Variants in SEC31A observed in about 807,000 individuals in gnomAD.
SEC31A encodes the protein SEC31 homolog A, COPII component, also known as protein transport protein Sec31A.
Under a neutral mutation model 151.0 loss-of-function variants are expected in SEC31A, and 70 were observed. The observed-to-expected ratio is 0.46, with a 90% CI of 0.38 to 0.57. The LOEUF (loss-of-function observed/expected upper bound fraction) is 0.57, where lower values mean the gene tolerates loss of function less well. SEC31A is among the 20% of genes least tolerant of loss of function. The pLI is 0.00. For synonymous variants in SEC31A, 475 were observed against 505.9 expected, an observed-to-expected ratio of 0.94 and a Z score of 0.82; for missense variants, 1,330 against 1,471.2, an observed-to-expected ratio of 0.90 and a Z score of 1.57.
intron 17 of SEC31A, 93 bp downstream of exon 17, chr4:82,854,810 A>C (rs1578242881): frequency 7.8e-7 from 1 of 1,285,020 alleles, no homozygotes; most frequent in East Asian, 2.8e-5. Flanking sequence ...TGTAGATTTT[A>C]AAAAGTTTCT....
chr4:82,832,954 G>A (rs916221158), intron 22 of SEC31A, among the ~76,000 whole-genome samples: 1 of 152,218 alleles, frequency 6.6e-6, no homozygotes, highest in African/African-American at 2.4e-5. Flanking sequence ...TACACTGTTG[G>A]TGGGAGTGTA....
chr4:82,857,930 T>C (rs1437936137), intron 14 of SEC31A, 166 bp from the exon 15 acceptor site: 1 of 501,076 alleles, frequency 2.0e-6, no homozygotes, highest in African/African-American at 2.0e-5. Context: ...ATGCCTTCCC[T>C]AAATATTACC....
chr4:82,875,688 C>G, intron 5 of SEC31A, 39 bp downstream of exon 5: 1 of 1,288,568 alleles, frequency 7.8e-7, no homozygotes, highest in Non-Finnish European at 1.1e-6. Flanking sequence ...CTACTTTTGG[C>G]TTTTTTGATT....
At chr4:82,870,471 C>T (rs758311371) in intron 7 of SEC31A, 47 bp from the exon 8 acceptor site, 3 of 1,423,918 alleles carry the variant, frequency 2.1e-6, no homozygotes, top group South Asian at 1.2e-5. Flanking sequence ...CTTGAGAAAA[C>T]CAAATCTCAA....
chr4:82,871,264 A>G, intron 7 of SEC31A: 2 of 1,358,866 alleles, frequency 1.5e-6, no homozygotes. Context: ...AACTATATGC[A>G]CAAATTATCC....
At position 82,877,378 on chromosome 4, in the gene SEC31A, A is replaced by C. The variant is rs1203129562; in HGVS notation, c.402+1352T>G. ...TTATAATCTAGTATCCTATTAACTCAAGGTCTTTTTTTTTTTTCCAGACAG... is the reference window on the plus strand; with the variant it reads ...TTATAATCTAGTATCCTATTAACTCCAGGTCTTTTTTTTTTTTCCAGACAG... On this transcript the variant is annotated intron_variant, in intron 4 of 26. Coordinates refer to ENST00000395310, the MANE Select transcript of SEC31A (RefSeq NM_001077207.4). 3.5e-5 allele frequency: 3 copies of C among 86,190 alleles called. No individual in the cohort carries two copies. In the East Asian group the frequency reaches 1.0e-3, roughly 30 times the overall value. 5.3% of individuals were successfully genotyped at this position (86,190 alleles called of 1,614,324 possible). A position where few individuals can be genotyped will look rare whatever the true frequency, so the allele number is the denominator to read the frequency against.
At chr4:82,821,548 C>CAAG (rs778336977) in intron 25 of SEC31A, 1 of 66,286 alleles carries the variant, frequency 1.5e-5, no homozygotes, top group South Asian at 9.3e-4. Context: ...GACTCCGTCT[C>CAAG]AAAAAAAAAA....
chr4:82,863,977 C>T (rs1236934153), intron 11 of SEC31A, among the ~76,000 whole-genome samples: 8 of 152,076 alleles, frequency 5.3e-5, no homozygotes, highest in Non-Finnish European at 1.2e-4. Context: ...TCCAACCTCT[C>T]TCCTCTATTC....
At chr4:82,828,072 G>A (rs1368860652) in intron 23 of SEC31A, among the ~76,000 whole-genome samples, 1 of 152,090 alleles carries the variant, frequency 6.6e-6, no homozygotes, top group African/African-American at 2.4e-5. Flanking sequence ...GTGCCACCAC[G>A]CCCAGCTAAT....
upstream of SEC31A, chr4:82,893,071 T>C (rs543215780): frequency 6.6e-6 from 1 of 152,290 alleles, no homozygotes; most frequent in South Asian, 2.1e-4. Context: ...CACAAAGATA[T>C]TCTAGGTTTT....
intron 22 of SEC31A, among the ~76,000 whole-genome samples, chr4:82,840,514 A>ATG (rs1428854700): frequency 2.6e-5 from 4 of 152,240 alleles, no homozygotes; most frequent in Non-Finnish European, 5.9e-5. Flanking sequence ...TACAGTGTGT[A>ATG]TGTGTGTAAG....
At chr4:82,853,506 TTGA>T in intron 18 of SEC31A, 61 bp downstream of exon 18, 2 of 1,339,208 alleles carry the variant, frequency 1.5e-6, no homozygotes, top group Non-Finnish European at 2.0e-6. Context: ...AGATTATAAC[TTGA>T]TGATAAGTAG....
chr4:82,862,511 G>C (rs1156624752), intron 13 of SEC31A, 23 bp downstream of exon 13: 2 of 1,600,226 alleles, frequency 1.2e-6, no homozygotes, highest in Non-Finnish European at 1.7e-6. Context: ...TTAGAAGGTA[G>C]CTATTTTTAA....
rs147804203 is a variant in SEC31A, at chr4:82,848,878, G to A, written c.2428C>T (p.Pro810Ser). Reference protein sequence around the residue: ...PKIPYEKQQLPKGRPGPVAGH... With the variant: ...PKIPYEKQQLSKGRPGPVAGH... ...GCAACTGGTCCAGGCCTGCCCTTGGGGAGCTGCTGTTTCTCGTACGGAATT... is the reference window on the plus strand; with the variant it reads ...GCAACTGGTCCAGGCCTGCCCTTGGAGAGCTGCTGTTTCTCGTACGGAATT... The change falls in exon 20 of 27, where the codon CCC becomes TCC. Residue 810 changes from proline to serine, a missense_variant. Coordinates refer to ENST00000395310, the MANE Select transcript of SEC31A (RefSeq NM_001077207.4). 9.3e-6 allele frequency: 15 copies of A among 1,613,942 alleles called. No homozygotes were observed. In the African/African-American group the frequency reaches 1.7e-4, roughly 19 times the overall value.
intron 22 of SEC31A, among the ~76,000 whole-genome samples, chr4:82,830,373 T>C (rs1465431868): frequency 3.9e-5 from 6 of 152,260 alleles, no homozygotes; most frequent in South Asian, 2.1e-4. Context: ...GGCAGGAGAA[T>C]TGCTTGAACC....
upstream of SEC31A, chr4:82,891,193 T>C (rs1041526433): frequency 4.6e-6 from 7 of 1,533,460 alleles, no homozygotes; most frequent in Admixed American, 2.0e-5. Flanking sequence ...ACCTCCACGT[T>C]CCGTTCCAAC....
chr4:82,875,681 C>G (rs774628860), intron 5 of SEC31A, 46 bp downstream of exon 5: 17 of 1,134,452 alleles, frequency 1.5e-5, no homozygotes, highest in Non-Finnish European at 2.0e-5. Flanking sequence ...AGGAGAACTA[C>G]TTTTGGCTTT....
chr4:82,846,085 A>G (rs1578203983), intron 20 of SEC31A, among the ~76,000 whole-genome samples: 1 of 151,336 alleles, frequency 6.6e-6, no homozygotes, highest in Admixed American at 6.6e-5. Context: ...CTCACTGCAA[A>G]CTCCGCCTCC....
At chr4:82,855,812 C>G (rs1273526579) in intron 16 of SEC31A, among the ~76,000 whole-genome samples, 2 of 151,990 alleles carry the variant, frequency 1.3e-5, no homozygotes, top group African/African-American at 4.8e-5. Context: ...GAGAGAGAAT[C>G]AGAAAAAATG....
Sources: allele counts gnomAD v4.1 joint callset (sites outside exome capture counted in the v4.1 genomes callset), GRCh38; gene constraint gnomAD v4.1.1; transcripts MANE v1.5; gene names NCBI Gene and HGNC (gene_info 2026-07-23, HGNC 2026-07-21).